RGS5: variants seen among roughly 807,000 people sequenced by gnomAD.
The protein encoded by RGS5 is regulator of G protein signaling 5.
Under a neutral mutation model 18.9 loss-of-function variants are expected in RGS5, and 20 were observed. That is an observed-to-expected ratio of 1.06 (90% confidence interval 0.74 to 1.54). RGS5 has a LOEUF of 1.54. Ranked by LOEUF, RGS5 falls within the 40% of genes most tolerant of loss-of-function variation. The probability of loss-of-function intolerance (pLI) is 0.00; values close to 1 mark genes in which losing one functional copy is unlikely to be tolerated. For synonymous variants in RGS5, 57 were observed against 76.2 expected, an observed-to-expected ratio of 0.75 and a Z score of 1.31; for missense variants, 201 against 211.8, an observed-to-expected ratio of 0.95 and a Z score of 0.32.
chr1:163,226,429 GT>G lies in RGS5; in HGVS notation c.-280-58062del, dbSNP rs1447553752. ...GAGTTAAACTTAAAAGTTTGAATGA[GT>G]GGCCCCATGGACCTGTAGCCCATAC... is the stretch of plus-strand genomic sequence containing the variant. On this transcript the variant is annotated intron_variant, in intron 2 of 5. Transcript: ENST00000618415. 2.0e-5 allele frequency among the ~76,000 whole-genome samples: 3 copies of G among 152,244 alleles called. No homozygotes were observed. The East Asian group carries it at 5.8e-4, about 29-fold the overall frequency.
At chr1:163,168,181 G>A in intron 2 of RGS5, 77 bp downstream of exon 2, 1 of 1,070,296 alleles carries the variant, frequency 9.3e-7, no homozygotes, top group South Asian at 1.3e-5. Context: ...TAGTTCTACA[G>A]ATGAGGAATG....
intron 2 of RGS5, among the ~76,000 whole-genome samples, chr1:163,301,340 C>CTT (rs11384334): frequency 1.2e-3 from 180 of 149,556 alleles, no homozygotes; most frequent in African/African-American, 2.4e-3. Context: ...CAGAATGAGT[C>CTT]TTTTTTTTTT....
At chr1:163,272,795 T>A (rs901690641) in intron 2 of RGS5, among the ~76,000 whole-genome samples, 1 of 152,114 alleles carries the variant, frequency 6.6e-6, no homozygotes, top group South Asian at 2.1e-4. Flanking sequence ...TATATACCTA[T>A]CTTTATGCTA....
At chr1:163,209,602 G>A (rs1660051877) in intron 1 of RGS5, among the ~76,000 whole-genome samples, 1 of 152,076 alleles carries the variant, frequency 6.6e-6, no homozygotes. Flanking sequence ...TTCTTGCTAA[G>A]TTTATCCCTA....
chr1:163,162,954 G>C (rs1451795338), intron 2 of RGS5: 1 of 150,226 alleles, frequency 6.7e-6, no homozygotes, highest in Admixed American at 6.6e-5. Flanking sequence ...TCCTAAACTG[G>C]AATTTCCTTA....
At chr1:163,151,727 G>A (rs575265445) in intron 4 of RGS5, among the ~76,000 whole-genome samples, 8 of 152,224 alleles carry the variant, frequency 5.3e-5, no homozygotes, top group East Asian at 1.9e-4. Context: ...CCATCCATGC[G>A]GAACTGTGAG....
chr1:163,291,402 G>A (rs1649284576), intron 2 of RGS5, among the ~76,000 whole-genome samples: 1 of 152,084 alleles, frequency 6.6e-6, no homozygotes, highest in Admixed American at 6.6e-5. Flanking sequence ...AGTGGTAATA[G>A]TACTTACCCC....
intron 1 of RGS5, among the ~76,000 whole-genome samples, chr1:163,216,764 C>CT (rs1452641943): frequency 6.6e-6 from 1 of 152,174 alleles, no homozygotes; most frequent in African/African-American, 2.4e-5. Flanking sequence ...ATGCTGTGGG[C>CT]TTCAGGGTTC....
chr1:163,208,326 C>T (rs1165621811), intron 1 of RGS5, among the ~76,000 whole-genome samples: 2 of 106,404 alleles, frequency 1.9e-5, no homozygotes, highest in Admixed American at 1.5e-4. Context: ...CCAGCCTGAG[C>T]GACAGAGCGA....
chr1:163,220,307 T>C (rs1256117336), upstream of RGS5, among the ~76,000 whole-genome samples: 2 of 135,504 alleles, frequency 1.5e-5, no homozygotes, highest in Non-Finnish European at 3.3e-5. Context: ...TTTTTCTGCA[T>C]CCATTAAAAT....
In RGS5 at chr1:163,314,466, A is replaced by G. The variant is rs151029810; in HGVS notation, c.-378+7156T>C. ...GTCCATATTAGAAAATGTACTCTAGACAATATAAATCACTATCATAAAGAA... is the reference window on the plus strand; with the variant it reads ...GTCCATATTAGAAAATGTACTCTAGGCAATATAAATCACTATCATAAAGAA... On this transcript the variant is annotated intron_variant, in intron 1 of 5. Transcript: ENST00000618415. 5.8e-3 allele frequency among the ~76,000 whole-genome samples: 888 copies of G among 152,246 alleles called. 9 individuals carry two copies. Among genetic ancestry groups the G allele is most frequent in the African/African-American group, 0.02 (842 of 41,550 alleles).
intron 1 of RGS5, among the ~76,000 whole-genome samples, chr1:163,185,526 C>G (rs1033021154): frequency 1.3e-5 from 2 of 152,134 alleles, no homozygotes; most frequent in Non-Finnish European, 2.9e-5. Context: ...TATCTGTGAT[C>G]CTCCCTTCTC....
rs528192208 is a variant in RGS5, at chr1:163,151,273, T to C, written c.384+1277A>G. On this transcript the variant is annotated intron_variant, in intron 4 of 4. Transcript: ENST00000313961. ...ATATTTTGATTTTCATGAGTAAATA[T>C]ACCATTGTCCCAAGTACAGTGTAAA... is the stretch of plus-strand genomic sequence containing the variant. Among the ~76,000 whole-genome samples, 9 of 152,212 alleles carry C rather than the reference T, an allele frequency of 5.9e-5. No individual in the cohort carries two copies. The South Asian group carries it at 1.9e-3, about 32-fold the overall frequency.
chr1:163,192,931 G>T (rs1659415224), intron 1 of RGS5, among the ~76,000 whole-genome samples: 2 of 152,056 alleles, frequency 1.3e-5, no homozygotes, highest in Non-Finnish European at 2.9e-5. Context: ...ATTTTTTAAT[G>T]GAACATCTTG....
chr1:163,147,732 A>G (rs1657197607), intron 4 of RGS5, among the ~76,000 whole-genome samples: 1 of 152,104 alleles, frequency 6.6e-6, no homozygotes, highest in Non-Finnish European at 1.5e-5. Flanking sequence ...CCTCCCATAG[A>G]AGCTAACACA....
chr1:163,155,417 C>T (rs1657541645), intron 3 of RGS5, among the ~76,000 whole-genome samples: 1 of 152,162 alleles, frequency 6.6e-6, no homozygotes, highest in Non-Finnish European at 1.5e-5. Flanking sequence ...ATTCTTTTAA[C>T]CTTTTTGTTC....
chr1:163,243,298 G>T lies in RGS5; in HGVS notation c.-281+62935C>A, dbSNP rs536218230. On this transcript the variant is annotated intron_variant, in intron 2 of 5. Transcript: ENST00000618415. The stretch of plus-strand genomic sequence containing the variant: ...ACACACTGGGACCCGTCAGGGGTTG[G>T]GAGTAAAGGGGAGGGAGAGCATTAG... 3.3e-5 allele frequency among the ~76,000 whole-genome samples: 5 copies of T among 152,222 alleles called. No homozygotes were observed. The South Asian group carries it at 1.0e-3, about 32-fold the overall frequency.
upstream of RGS5, among the ~76,000 whole-genome samples, chr1:163,205,327 C>T (rs1045368693): frequency 6.4e-5 from 7 of 109,904 alleles, no homozygotes; most frequent in Admixed American, 1.2e-4. Context: ...GTTTGTGTTA[C>T]GTGTTTTTTA....
chr1:163,212,460 G>A (rs924378948), intron 1 of RGS5: 1 of 152,212 alleles, frequency 6.6e-6, no homozygotes. Context: ...GGCTCTTCAA[G>A]GTGGACAAAA....
Sources: gnomAD v4.1 joint callset for allele counts (sites outside exome capture counted in the v4.1 genomes callset) on GRCh38, gnomAD v4.1.1 for gene constraint, MANE v1.5 for transcripts, NCBI Gene and HGNC (gene_info 2026-07-23, HGNC 2026-07-21) for gene names.